RPRD1A: variants seen among roughly 807,000 people sequenced by gnomAD.
RPRD1A encodes regulation of nuclear pre-mRNA domain-containing protein 1A.
Under a neutral mutation model 37.8 loss-of-function variants are expected in RPRD1A, and 9 were observed. That is an observed-to-expected ratio of 0.24 (90% confidence interval 0.14 to 0.42). RPRD1A has a LOEUF of 0.42. Ranked by LOEUF, RPRD1A falls within the 10% of genes least tolerant of loss-of-function variation. The pLI, the probability that RPRD1A is intolerant of heterozygous loss-of-function variation, is 1.00. For missense variants in RPRD1A, 255 were observed against 371.0 expected (o/e 0.69, Z 2.57); for synonymous variants, 138 against 139.7 (o/e 0.99, Z 0.08).
At chr18:36,036,096 T>TG (rs1912174442) in intron 1 of RPRD1A, among the ~76,000 whole-genome samples, 1 of 151,760 alleles carries the variant, frequency 6.6e-6, no homozygotes, top group South Asian at 2.1e-4. Context: ...ACAAAAAAAA[T>TG]GTTTTTGTTT....
intron 6 of RPRD1A, among the ~76,000 whole-genome samples, chr18:36,011,108 G>A (rs1264686407): frequency 2.6e-5 from 4 of 151,902 alleles, no homozygotes; most frequent in Non-Finnish European, 4.4e-5. Flanking sequence ...TTTTTTTGTT[G>A]GGGGCTAAAA....
At position 36,007,125 on chromosome 18, in the gene RPRD1A, G is replaced by A. The variant is rs59523614; in HGVS notation, c.790-13825C>T. ...CTTAACACTTTCATCATTTACAAGT[G>A]TACTGTGAAACTTCCAGTAGTTCTG... On this transcript the variant is annotated intron_variant, in intron 6 of 6. Coordinates refer to ENST00000399022, the MANE Select transcript of RPRD1A (RefSeq NM_018170.5). Among the ~76,000 whole-genome samples the A allele has an allele frequency of 7.8e-3, 1,191 of 152,160 alleles. 24 individuals are homozygous for A. The highest frequency in any genetic ancestry group is 0.027 in the African/African-American group (1,128 of 41,504).
chr18:36,051,398 G>C (rs1913386096), intron 1 of RPRD1A, among the ~76,000 whole-genome samples: 1 of 152,040 alleles, frequency 6.6e-6, no homozygotes, highest in Non-Finnish European at 1.5e-5. Flanking sequence ...CAATATAATA[G>C]ACTAAAAAGG....
At chr18:36,028,825 G>C (rs1025224513) in intron 4 of RPRD1A, among the ~76,000 whole-genome samples, 3 of 152,270 alleles carry the variant, frequency 2.0e-5, no homozygotes, top group Non-Finnish European at 4.4e-5. Context: ...TCTAAAAAAC[G>C]ATCATTATAA....
rs541465414 is a variant in RPRD1A at position 36,020,476 on chromosome 18, A to G, written c.789+6424T>C. Among the ~76,000 whole-genome samples the G allele has an allele frequency of 3.5e-4, 54 of 152,358 alleles. No homozygotes were observed. In the Middle Eastern group the frequency reaches 0.01, roughly 29 times the overall value. The stretch of plus-strand genomic sequence containing the variant: ...TATTCAGAAATCATCAAAGAAGGCA[A>G]TAAGACTGGTTAACAGGATCAAGTC... On this transcript the variant is annotated intron_variant, in intron 6 of 6. Transcript: ENST00000399022.
intron 1 of RPRD1A, among the ~76,000 whole-genome samples, chr18:36,060,145 C>G (rs1318699138): frequency 1.3e-5 from 2 of 152,118 alleles, no homozygotes; most frequent in Non-Finnish European, 2.9e-5. Context: ...GAAAAATGTT[C>G]TTTTGGCCGG....
chr18:36,031,038 CT>C lies in RPRD1A; in HGVS notation c.340del (p.Arg114GlyfsTer9). 1 of 1,596,214 alleles carries C rather than the reference CT, an allele frequency of 6.3e-7. No individual in the cohort carries two copies. Among genetic ancestry groups the C allele is most frequent in the Non-Finnish European group, 8.5e-7 (1 of 1,175,514 alleles). On this transcript the variant is annotated frameshift_variant, in exon 3 of 7. Coordinates refer to ENST00000399022, the MANE Select transcript of RPRD1A (RefSeq NM_018170.5). LOFTEE classifies it high-confidence loss of function. Reference protein sequence around the residue: ...LGRVLSIWEERSVYENDVLEQ... With the variant: ...LGRVLSIWEEXSVYENDVLEQ... ...TAATACATCATTTTCATAAACAGACCTTTCTTCCCAAATAGATAACACTCTT... is the reference window on the plus strand; with the variant it reads ...TAATACATCATTTTCATAAACAGACCTTCTTCCCAAATAGATAACACTCTT...
chr18:36,033,585 A>T, intron 2 of RPRD1A, 123 bp downstream of exon 2: 1 of 744,916 alleles, frequency 1.3e-6, no homozygotes, highest in African/African-American at 1.8e-5. Flanking sequence ...AAGTCTTTTC[A>T]AATAAAAGCA....
chr18:36,036,314 C>T (rs1351014068), intron 1 of RPRD1A, among the ~76,000 whole-genome samples: 2 of 151,982 alleles, frequency 1.3e-5, no homozygotes, highest in African/African-American at 2.4e-5. Context: ...GCTCAAGTGA[C>T]CCTCCCACCT....
intron 1 of RPRD1A, among the ~76,000 whole-genome samples, chr18:36,034,540 T>C (rs1480663177): frequency 6.6e-6 from 1 of 152,240 alleles, no homozygotes; most frequent in Non-Finnish European, 1.5e-5. Context: ...ATACTACTAC[T>C]GAATATGACT....
rs141611772 is a variant in RPRD1A at position 35,995,223 on chromosome 18, C to T, written c.790-1923G>A. Reference sequence around the variant, plus strand: ...TGAATAACTCAGTAATTATCCTTAACTAAGACTATCTGCTCTCCAATTTTT... The same window carrying T: ...TGAATAACTCAGTAATTATCCTTAATTAAGACTATCTGCTCTCCAATTTTT... On this transcript the variant is annotated intron_variant, in intron 6 of 6. Coordinates refer to ENST00000399022, the MANE Select transcript of RPRD1A (RefSeq NM_018170.5). 3.7e-3 allele frequency among the ~76,000 whole-genome samples: 550 copies of T among 150,632 alleles called. 5 individuals are homozygous for T. Among genetic ancestry groups the T allele is most frequent in the African/African-American group, 0.012 (504 of 41,048 alleles).
intron 1 of RPRD1A, among the ~76,000 whole-genome samples, chr18:36,044,533 C>G (rs111497320): frequency 0.03 from 4,542 of 151,796 alleles, 222 homozygotes; most frequent in African/African-American, 0.1. Flanking sequence ...ACTAAAAATA[C>G]AAAAATTAGC....
intron 6 of RPRD1A, among the ~76,000 whole-genome samples, chr18:36,000,858 T>G (rs1025747916): frequency 1.1e-4 from 17 of 152,210 alleles, no homozygotes; most frequent in Admixed American, 7.9e-4. Context: ...GCTTTACCAT[T>G]ATGCTAACCT....
At chr18:36,033,317 AAAAAAAAAG>A (rs1452731644) in intron 2 of RPRD1A, among the ~76,000 whole-genome samples, 1 of 151,052 alleles carries the variant, frequency 6.6e-6, no homozygotes, top group African/African-American at 2.4e-5. Flanking sequence ...AAAAAAAAAA[AAAAAAAAAG>A]AATAGAAACA....
chr18:36,049,539 T>A (rs1213222424), intron 1 of RPRD1A, among the ~76,000 whole-genome samples: 1 of 152,214 alleles, frequency 6.6e-6, no homozygotes, highest in Non-Finnish European at 1.5e-5. Flanking sequence ...CTACTCTAGG[T>A]GTCTCATATA....
chr18:36,001,924 T>G (rs991919688), intron 6 of RPRD1A, among the ~76,000 whole-genome samples: 2 of 152,028 alleles, frequency 1.3e-5, no homozygotes, highest in African/African-American at 4.8e-5. Flanking sequence ...AGTTGGTGGG[T>G]TTTTTCTTTC....
At chr18:36,051,396 T>C (rs1913385802) in intron 1 of RPRD1A, among the ~76,000 whole-genome samples, 1 of 152,124 alleles carries the variant, frequency 6.6e-6, no homozygotes, top group African/African-American at 2.4e-5. Flanking sequence ...AACAATATAA[T>C]AGACTAAAAA....
chr18:36,025,932 C>G (rs1393868254), intron 6 of RPRD1A: 1 of 228,864 alleles, frequency 4.4e-6, no homozygotes, highest in Non-Finnish European at 8.8e-6. Flanking sequence ...CAACTATCAT[C>G]ATCTGAGGGT....
At chr18:36,029,125 A>G (rs1236847356) in intron 4 of RPRD1A, among the ~76,000 whole-genome samples, 3 of 152,204 alleles carry the variant, frequency 2.0e-5, no homozygotes, top group African/African-American at 7.2e-5. Context: ...TCTTGTCCAT[A>G]GTGGCCAATG....
Sources: gnomAD v4.1 joint callset for allele counts (sites outside exome capture counted in the v4.1 genomes callset) on GRCh38, gnomAD v4.1.1 for gene constraint, MANE v1.5 for transcripts, NCBI Gene and HGNC (gene_info 2026-07-23, HGNC 2026-07-21) for gene names.